HSD17B3: variants seen among roughly 807,000 people sequenced by gnomAD.
The protein encoded by HSD17B3 is hydroxysteroid 17-beta dehydrogenase 3, also known as 17-beta-hydroxysteroid dehydrogenase type 3.
HSD17B3 carries 29 observed loss-of-function variants against 41.1 expected under a neutral mutation model. That is an observed-to-expected ratio of 0.71 (90% CI 0.53 to 0.96). The LOEUF is 0.96. HSD17B3 is among the 40% of genes least tolerant of loss of function. The probability of loss-of-function intolerance (pLI) is 0.00; values close to 1 mark genes in which losing one functional copy is unlikely to be tolerated. For synonymous variants in HSD17B3, 126 were observed against 145.6 expected (o/e 0.87, Z 0.97); for missense variants, 323 against 374.6 (o/e 0.86, Z 1.14).
At chr9:96,291,697 C>G (rs1249184350) in intron 2 of HSD17B3, among the ~76,000 whole-genome samples, 4 of 152,168 alleles carry the variant, frequency 2.6e-5, no homozygotes, top group Admixed American at 2.6e-4. Context: ...TGGCTCATGC[C>G]TGTAATCCCA....
At chr9:96,240,668 C>CA in intron 10 of HSD17B3, 90 bp downstream of exon 10, 1 of 1,307,720 alleles carries the variant, frequency 7.6e-7, no homozygotes, top group Non-Finnish European at 1.1e-6. Context: ...ATGAGTGCTC[C>CA]AGCAGCAAGG....
chr9:96,264,187 G>C (rs1022570226), intron 2 of HSD17B3, among the ~76,000 whole-genome samples: 1 of 151,980 alleles, frequency 6.6e-6, no homozygotes, highest in Non-Finnish European at 1.5e-5. Context: ...CATATAAAAA[G>C]ACTAGTTCTA....
intron 10 of HSD17B3, 58 bp from the exon 11 acceptor site, chr9:96,235,628 A>C: frequency 7.5e-7 from 1 of 1,340,602 alleles, no homozygotes; most frequent in Non-Finnish European, 1.1e-6. Flanking sequence ...ACCTCAGTTC[A>C]TCTTTGTGGT....
chr9:96,270,174 T>C (rs1587753678), intron 2 of HSD17B3, among the ~76,000 whole-genome samples: 1 of 152,052 alleles, frequency 6.6e-6, no homozygotes, highest in Admixed American at 6.6e-5. Flanking sequence ...GACACAGGAC[T>C]GATTTTATCA....
rs555543713 is a variant in HSD17B3, at chr9:96,240,914, C to T, written c.673-7G>A. 156 of 1,614,096 alleles carry T rather than the reference C, an allele frequency of 9.7e-5. No homozygotes were observed. The highest frequency in any genetic ancestry group is 6.0e-4 in the African/African-American group (45 of 75,026). On this transcript the variant is annotated splice_polypyrimidine_tract_variant and splice_region_variant and intron_variant, in intron 9 of 10. Coordinates refer to ENST00000375263, the MANE Select transcript of HSD17B3 (RefSeq NM_000197.2). ...CAGCATATGGGGTCAGCACCTACAA[C>T]GGGAAACAAAGACCATGGCACAGAA...
Position 96,240,867 on chromosome 9 carries a change from T to C in HSD17B3, c.713A>G (p.Tyr238Cys), listed in dbSNP as rs1188887877. 3 of 1,614,200 alleles carry C rather than the reference T, an allele frequency of 1.9e-6. No individual in the cohort carries two copies. Among genetic ancestry groups the C allele is most frequent in the South Asian group, 2.2e-5 (2 of 91,084 alleles). Residue 238 changes from tyrosine to cysteine, a missense_variant, in exon 10 of 11, where the codon TAT (tyrosine) becomes TGT (cysteine). By Grantham distance (194) the Tyr-to-Cys change is radical. Transcript: ENST00000375263. The stretch of plus-strand genomic sequence containing the variant: ...CTTGGTTATCACATTTGTATTTAGA[T>C]ACTTTGTCATTGCAGTCGAGACAGC... The part of the protein sequence containing the change: ...PYAVSTAMTK[Y>C]LNTNVITKTA...
intron 2 of HSD17B3, among the ~76,000 whole-genome samples, chr9:96,264,925 A>G (rs1825997994): frequency 6.6e-6 from 1 of 152,262 alleles, no homozygotes. Context: ...CTGACAAAAT[A>G]GTTTTATATT....
intron 2 of HSD17B3, among the ~76,000 whole-genome samples, chr9:96,255,954 C>G (rs1825638148): frequency 6.6e-6 from 1 of 152,152 alleles, no homozygotes; most frequent in Admixed American, 6.5e-5. Flanking sequence ...GCGGGGGACA[C>G]GTAAACGTGG....
At chr9:96,253,964 A>C (rs934447474) in intron 3 of HSD17B3, among the ~76,000 whole-genome samples, 7 of 152,060 alleles carry the variant, frequency 4.6e-5, no homozygotes, top group Non-Finnish European at 1.5e-5. Flanking sequence ...CTCCTGTCCC[A>C]AATCTCCCCC....
chr9:96,295,368 C>A (rs1349063045), intron 2 of HSD17B3, among the ~76,000 whole-genome samples: 2 of 150,980 alleles, frequency 1.3e-5, no homozygotes, highest in Non-Finnish European at 2.9e-5. Flanking sequence ...AAGTCTCACT[C>A]TTGTCCCCCA....
rs61373611 is a variant in HSD17B3, at chr9:96,290,456, C to CTTTTTT, written c.201+7954_201+7959dup. ...GAAGGGCACTGTGGTATTTCCTGGGCTTTTTTTTTTTTTTTTTTTTTTTCC... is the reference window on the plus strand; with the variant it reads ...GAAGGGCACTGTGGTATTTCCTGGGCTTTTTTTTTTTTTTTTTTTTTTTTTTTTTCC... On this transcript the variant is annotated intron_variant, in intron 2 of 10. Transcript: ENST00000375263. 2.0e-4 allele frequency among the ~76,000 whole-genome samples: 16 copies of CTTTTTT among 78,410 alleles called. 1 individual carries two copies. Among genetic ancestry groups the CTTTTTT allele is most frequent in the African/African-American group, 2.2e-4 (4 of 17,924 alleles). 51.4% of individuals were successfully genotyped at this position (78,410 alleles called of 152,430 possible). A position where few individuals can be genotyped will look rare whatever the true frequency, so the allele number is the denominator to read the frequency against.
intron 10 of HSD17B3, among the ~76,000 whole-genome samples, chr9:96,237,689 G>A (rs943192328): frequency 2.6e-5 from 4 of 152,182 alleles, no homozygotes; most frequent in Admixed American, 6.5e-5. Context: ...TGGCAAACTC[G>A]AAATTGGCTT....
intron 2 of HSD17B3, among the ~76,000 whole-genome samples, chr9:96,270,053 T>C (rs2130759364): frequency 6.6e-6 from 1 of 152,194 alleles, no homozygotes; most frequent in South Asian, 2.1e-4. Flanking sequence ...AAGGAGATTA[T>C]TAAAATAAGT....
chr9:96,290,993 C>T (rs954142910), intron 2 of HSD17B3, among the ~76,000 whole-genome samples: 2 of 152,188 alleles, frequency 1.3e-5, no homozygotes, highest in Non-Finnish European at 2.9e-5. Flanking sequence ...CCCACCCACA[C>T]CCCTGCCAGT....
At chr9:96,249,156 G>A (rs1334792954) in intron 6 of HSD17B3, among the ~76,000 whole-genome samples, 2 of 152,062 alleles carry the variant, frequency 1.3e-5, no homozygotes, top group Non-Finnish European at 2.9e-5. Flanking sequence ...ATCTACCTCG[G>A]CCTCCCAAAG....
intron 2 of HSD17B3, among the ~76,000 whole-genome samples, chr9:96,297,598 C>T (rs1237291121): frequency 3.3e-5 from 5 of 152,040 alleles, no homozygotes; most frequent in South Asian, 2.1e-4. Context: ...CCACCTGCCT[C>T]GGCCTCCCAA....
chr9:96,248,784 T>C (rs1187325355), intron 6 of HSD17B3, among the ~76,000 whole-genome samples: 7 of 152,198 alleles, frequency 4.6e-5, no homozygotes, highest in African/African-American at 1.7e-4. Flanking sequence ...AAACAGTACC[T>C]TTCTCTAAAT....
intron 2 of HSD17B3, among the ~76,000 whole-genome samples, chr9:96,265,277 T>C (rs1826010862): frequency 6.6e-6 from 1 of 152,272 alleles, no homozygotes; most frequent in Non-Finnish European, 1.5e-5. Context: ...TATTTTGCAT[T>C]TCTTTTTAGA....
chr9:96,249,295 T>G (rs1203475493), intron 6 of HSD17B3, among the ~76,000 whole-genome samples: 1 of 152,216 alleles, frequency 6.6e-6, no homozygotes, highest in Non-Finnish European at 1.5e-5. Context: ...GTAGCTGTGC[T>G]GGGACCAGAA....
Sources: gnomAD v4.1 joint callset for allele counts (sites outside exome capture counted in the v4.1 genomes callset) on GRCh38, gnomAD v4.1.1 for gene constraint, MANE v1.5 for transcripts, NCBI Gene and HGNC (gene_info 2026-07-23, HGNC 2026-07-21) for gene names.